Variants in SORL1 observed in about 807,000 individuals in gnomAD.
SORL1 encodes sortilin-related receptor.
SORL1 carries 127 observed loss-of-function variants against 273.7 expected under a neutral mutation model. The ratio of observed to expected loss-of-function variants is 0.46; its 90% CI spans 0.40 to 0.54. The LOEUF is 0.54. Ranked by LOEUF, SORL1 falls within the 20% of genes least tolerant of loss-of-function variation. The pLI, the probability that SORL1 is intolerant of heterozygous loss-of-function variation, is 0.00. For missense variants in SORL1, 2,494 were observed against 2,846.1 expected (o/e 0.88, Z 2.81); for synonymous variants, 1,031 against 1,067.4 (o/e 0.97, Z 0.66).
chr11:121,522,624 C>G lies in SORL1; in HGVS notation c.1443C>G (p.Leu481=). Residue 481 remains leucine, a synonymous_variant, in exon 10 of 48, where the codon CTC becomes CTG. Coordinates refer to ENST00000260197, the MANE Select transcript of SORL1 (RefSeq NM_003105.6). ...GTTCCCTTCATCTGGCTCAGCGCCT[C>G]AGTCAGCTCCTCAACCTCCAGCTCC... ...QGCSLHLAQR[L]SQLLNLQLRR... is the part of the protein sequence containing the mutation. 6.2e-7 allele frequency: 1 copy of G among 1,614,232 alleles called. No homozygotes were observed. The highest frequency in any genetic ancestry group is 8.5e-7 in the Non-Finnish European group (1 of 1,180,022).
chr11:121,514,429 G>C, intron 8 of SORL1, 108 bp downstream of exon 8: 1 of 1,119,458 alleles, frequency 8.9e-7, no homozygotes, highest in East Asian at 2.6e-5. Context: ...ATACACCCGG[G>C]GAGCTTTCGG....
At chr11:121,593,795 C>T (rs747091229) in intron 31 of SORL1, among the ~76,000 whole-genome samples, 7 of 152,128 alleles carry the variant, frequency 4.6e-5, no homozygotes, top group Non-Finnish European at 7.4e-5. Context: ...GGACGTTGCA[C>T]CATCATCATC....
chr11:121,459,543 C>T (rs1860958877), intron 1 of SORL1, among the ~76,000 whole-genome samples: 1 of 152,212 alleles, frequency 6.6e-6, no homozygotes. Flanking sequence ...CATGCCTCTG[C>T]ACAGTTGCCT....
In SORL1 at chr11:121,633,145, G is replaced by A. The variant is rs567198125; in HGVS notation, c.*3582G>A. The stretch of plus-strand genomic sequence containing the variant: ...GACTGAGATATGGAATAGATAGGAA[G>A]AGATATGTACTGCTGGGTACATGGA... On this transcript the variant is annotated 3_prime_UTR_variant, in exon 48 of 48. Transcript: ENST00000260197. 1.3e-5 allele frequency: 2 copies of A among 152,228 alleles called. No homozygotes were observed. Among genetic ancestry groups the A allele is most frequent in the Non-Finnish European group, 2.9e-5 (2 of 68,036 alleles). The allele number at this position is 152,228 out of a possible 1,614,324, so 9.4% of individuals were successfully genotyped here. A position where few individuals can be genotyped will look rare whatever the true frequency, so the allele number is the denominator to read the frequency against.
chr11:121,623,655 G>A (rs117392926), intron 45 of SORL1, among the ~76,000 whole-genome samples: 3,828 of 152,298 alleles, frequency 0.025, 79 homozygotes, highest in South Asian at 0.047. Flanking sequence ...GAAAGAATGC[G>A]GGGATGAGAT....
intron 12 of SORL1, among the ~76,000 whole-genome samples, chr11:121,541,720 C>T (rs1018959102): frequency 5.3e-5 from 8 of 152,226 alleles, no homozygotes; most frequent in Non-Finnish European, 1.2e-4. Flanking sequence ...TGAGTGATTT[C>T]TCATGTCAAG....
At chr11:121,592,316 T>C (rs1863228451) in intron 31 of SORL1, among the ~76,000 whole-genome samples, 1 of 152,164 alleles carries the variant, frequency 6.6e-6, no homozygotes, top group South Asian at 2.1e-4. Flanking sequence ...TCTCAAAATG[T>C]GATGCAAAGA....
chr11:121,616,955 T>G (rs1483193414), intron 41 of SORL1, among the ~76,000 whole-genome samples: 1 of 152,192 alleles, frequency 6.6e-6, no homozygotes, highest in Non-Finnish European at 1.5e-5. Flanking sequence ...GCAGGACAAC[T>G]CAAAGTGGGC....
intron 25 of SORL1, among the ~76,000 whole-genome samples, chr11:121,580,749 C>T (rs1156466873): frequency 1.3e-5 from 2 of 151,488 alleles, no homozygotes; most frequent in East Asian, 1.9e-4. Context: ...GGGCTACAGA[C>T]ATGTGCCATC....
rs972977940 is a variant in SORL1 at position 121,632,584 on chromosome 11, A to G, written c.*3021A>G. On this transcript the variant is annotated 3_prime_UTR_variant, in exon 48 of 48. Coordinates refer to ENST00000260197, the MANE Select transcript of SORL1 (RefSeq NM_003105.6). ...AGCTGCCTGTTCTCTCCTGCCCATC[A>G]TGTTTGGCCCACTAGATGAAGCTGT... The G allele has an allele frequency of 2.0e-5, 3 of 151,328 alleles. No individual in the cohort carries two copies. The highest frequency in any genetic ancestry group is 7.3e-5 in the African/African-American group (3 of 41,120). 9.4% of individuals were successfully genotyped at this position (151,328 alleles called of 1,614,324 possible).
rs769354281 is a variant in SORL1 at position 121,558,687 on chromosome 11, G to A, written c.2760G>A (p.Val920=). Residue 920 remains valine, a synonymous_variant, in exon 20 of 48, where the codon GTG becomes GTA. Coordinates refer to ENST00000260197, the MANE Select transcript of SORL1 (RefSeq NM_003105.6). Reference sequence around the variant, plus strand: ...CCTATCACCTGGTGTCTGAGGATGTGAAGTGGCCCAATGGCATCTCTGTGG... The same window carrying A: ...CCTATCACCTGGTGTCTGAGGATGTAAAGTGGCCCAATGGCATCTCTGTGG... ...SAAYHLVSED[V]KWPNGISVDD... 3 of 1,614,034 alleles carry A rather than the reference G, an allele frequency of 1.9e-6. No homozygotes were observed. The highest frequency in any genetic ancestry group is 2.7e-5 in the African/African-American group (2 of 74,916).
At chr11:121,569,159 T>C (rs1282224057) in intron 22 of SORL1, among the ~76,000 whole-genome samples, 2 of 152,042 alleles carry the variant, frequency 1.3e-5, no homozygotes, top group Non-Finnish European at 2.9e-5. Flanking sequence ...CCTTGTGATT[T>C]CCTATGCCTG....
intron 28 of SORL1, among the ~76,000 whole-genome samples, chr11:121,588,422 A>G (rs558031476): frequency 2.2e-4 from 34 of 152,246 alleles, no homozygotes; most frequent in Non-Finnish European, 4.3e-4. Context: ...ATGGCGAGTG[A>G]CCAGGGTCTT....
intron 6 of SORL1, among the ~76,000 whole-genome samples, chr11:121,502,124 CT>C (rs57842880): frequency 2.7e-3 from 173 of 65,144 alleles, no homozygotes; most frequent in African/African-American, 7.8e-3. Flanking sequence ...TGTGACAATT[CT>C]TTTTTTTTTT....
In SORL1 at chr11:121,563,625, A is replaced by G. The variant is rs1862709843; in HGVS notation, c.3050-3315A>G. Reference sequence around the variant, plus strand: ...TGCCCAGGCTGGTCTTGAACTCCTGAGCTCAGGCAATCTGCACGCCCCGGC... The same window carrying G: ...TGCCCAGGCTGGTCTTGAACTCCTGGGCTCAGGCAATCTGCACGCCCCGGC... On this transcript the variant is annotated intron_variant, in intron 21 of 47. Coordinates refer to ENST00000260197, the MANE Select transcript of SORL1 (RefSeq NM_003105.6). The surrounding 1 kb of genome is among the most constrained non-coding windows in gnomAD (Gnocchi z 4.2). Among the ~76,000 whole-genome samples the G allele has an allele frequency of 6.6e-6, 1 of 152,162 alleles. No individual in the cohort carries two copies. The highest frequency in any genetic ancestry group is 2.1e-4 in the South Asian group (1 of 4,828).
intron 2 of SORL1, among the ~76,000 whole-genome samples, chr11:121,471,558 C>T (rs1207099952): frequency 6.6e-6 from 1 of 152,232 alleles, no homozygotes; most frequent in African/African-American, 2.4e-5. Flanking sequence ...CAGCTTCGGT[C>T]ACCCTGCATT....
At chr11:121,561,543 G>A (rs1301291164) in intron 21 of SORL1, among the ~76,000 whole-genome samples, 1 of 152,260 alleles carries the variant, frequency 6.6e-6, no homozygotes, top group East Asian at 1.9e-4. Flanking sequence ...ATATGTATTA[G>A]CAGGGCATAG....
chr11:121,589,739 A>C (rs545996967), intron 29 of SORL1, among the ~76,000 whole-genome samples: 6 of 152,364 alleles, frequency 3.9e-5, no homozygotes, highest in South Asian at 2.1e-4. Flanking sequence ...TGATTGGATT[A>C]CCATCAATAG....
rs767441313 is a variant in SORL1, at chr11:121,557,386, G to A, written c.2644G>A (p.Val882Ile). Residue 882 changes from valine (V) to isoleucine (I), a missense_variant, in exon 19 of 48, where the codon GTC (valine) becomes ATC (isoleucine). By Grantham distance (29) the Val-to-Ile change is conservative. Transcript: ENST00000260197. ...SSVLDRPRAL[V>I]LVPQEGVMFW... is the part of the protein sequence containing the mutation. ...TGTGCTTGATCGTCCCAGGGCTCTG[G>A]TCCTCGTGCCCCAAGAGGGGTAAGT... 8 of 1,613,932 alleles carry A rather than the reference G, an allele frequency of 5.0e-6. No individual in the cohort carries two copies. The highest frequency in any genetic ancestry group is 6.8e-6 in the Non-Finnish European group (8 of 1,179,916).
Sources: gnomAD v4.1 joint callset for allele counts (sites outside exome capture counted in the v4.1 genomes callset) on GRCh38, gnomAD v4.1.1 for gene constraint, Gnocchi (gnomAD v3.1) non-coding constraint, MANE v1.5 for transcripts, NCBI Gene and HGNC (gene_info 2026-07-23, HGNC 2026-07-21) for gene names.